CCSER1: variants seen among roughly 807,000 people sequenced by gnomAD.
The protein encoded by CCSER1 is coiled-coil serine rich protein 1.
CCSER1 carries 41 observed loss-of-function variants against 82.0 expected under a neutral mutation model. That is an observed-to-expected ratio of 0.50 (90% confidence interval 0.39 to 0.65). The LOEUF (loss-of-function observed/expected upper bound fraction) is 0.65. Ranked by LOEUF, CCSER1 falls within the 30% of genes least tolerant of loss-of-function variation. The pLI, the probability that CCSER1 is intolerant of heterozygous loss-of-function variation, is 0.00. For missense variants in CCSER1, 1,119 were observed against 1,064.2 expected, an observed-to-expected ratio of 1.05 and a Z score of -0.72; for synonymous variants, 414 against 383.9, an observed-to-expected ratio of 1.08 and a Z score of -0.92.
At chr4:91,162,676 G>A (rs1038157761) in intron 10 of CCSER1, among the ~76,000 whole-genome samples, 1 of 152,136 alleles carries the variant, frequency 6.6e-6, no homozygotes, top group Non-Finnish European at 1.5e-5. Flanking sequence ...TATGTGTCCA[G>A]GAATCTATCC....
chr4:90,955,094 C>T (rs553044813), intron 9 of CCSER1, among the ~76,000 whole-genome samples: 93 of 152,292 alleles, frequency 6.1e-4, no homozygotes, highest in Admixed American at 2.4e-3. Context: ...TACCATCGAA[C>T]GTGTTCGTGT....
In CCSER1 at chr4:91,347,189, A is replaced by T. The variant is rs147675502; in HGVS notation, c.2218-251383A>T. 2.4e-3 allele frequency among the ~76,000 whole-genome samples: 368 copies of T among 152,184 alleles called. 2 individuals are homozygous for T. Among genetic ancestry groups the T allele is most frequent in the African/African-American group, 8.3e-3 (344 of 41,554 alleles). On this transcript the variant is annotated intron_variant, in intron 10 of 10. Transcript: ENST00000509176. Reference sequence around the variant, plus strand: ...TGAAAGGTATAACGTCTGGGTGTAGATTTATTTTTTGCATGTGGATTTTGA... The same window carrying T: ...TGAAAGGTATAACGTCTGGGTGTAGTTTTATTTTTTGCATGTGGATTTTGA...
chr4:91,218,156 A>T (rs1256224331), intron 10 of CCSER1, among the ~76,000 whole-genome samples: 2 of 152,232 alleles, frequency 1.3e-5, no homozygotes, highest in Admixed American at 1.3e-4. Context: ...CGAGCACAGC[A>T]CGGTGGGCCG....
At chr4:91,140,362 A>G (rs1235862399) in intron 10 of CCSER1, among the ~76,000 whole-genome samples, 1 of 151,990 alleles carries the variant, frequency 6.6e-6, no homozygotes, top group African/African-American at 2.4e-5. Flanking sequence ...TATTGGTAAT[A>G]TTGCTTAATA....
intron 9 of CCSER1, among the ~76,000 whole-genome samples, chr4:91,033,386 G>A (rs574051878): frequency 2.0e-5 from 3 of 152,132 alleles, no homozygotes; most frequent in Admixed American, 6.6e-5. Context: ...GGGAAAAAGG[G>A]TAGAAGGAAA....
intron 10 of CCSER1, among the ~76,000 whole-genome samples, chr4:91,492,661 G>A (rs185632264): frequency 1.7e-3 from 257 of 152,184 alleles, no homozygotes; most frequent in South Asian, 0.011. Flanking sequence ...TAACAAAGAT[G>A]TTGTTGAAAA....
At chr4:90,852,514 C>CT (rs1405795913) in intron 8 of CCSER1, among the ~76,000 whole-genome samples, 1 of 152,194 alleles carries the variant, frequency 6.6e-6, no homozygotes, top group African/African-American at 2.4e-5. Context: ...TGCTCACACT[C>CT]TGAGTGCTTA....
At chr4:91,160,186 G>C (rs1218122302) in intron 10 of CCSER1, among the ~76,000 whole-genome samples, 1 of 152,036 alleles carries the variant, frequency 6.6e-6, no homozygotes, top group Non-Finnish European at 1.5e-5. Context: ...CAGAATGATG[G>C]TTTCCAGCTT....
At chr4:91,161,965 C>A (rs1013183440) in intron 10 of CCSER1, among the ~76,000 whole-genome samples, 3 of 152,122 alleles carry the variant, frequency 2.0e-5, no homozygotes, top group African/African-American at 7.2e-5. Flanking sequence ...GAACTTCCAA[C>A]ACTATGTTGA....
intron 10 of CCSER1, among the ~76,000 whole-genome samples, chr4:91,401,168 T>C (rs1412477604): frequency 6.6e-6 from 1 of 151,534 alleles, no homozygotes; most frequent in Non-Finnish European, 1.5e-5. Flanking sequence ...AGATACCCAT[T>C]TTTTGACTTT....
intron 10 of CCSER1, among the ~76,000 whole-genome samples, chr4:91,101,859 G>A (rs2148851986): frequency 6.6e-6 from 1 of 152,320 alleles, no homozygotes; most frequent in Middle Eastern, 3.4e-3. Flanking sequence ...AAGTAACAGA[G>A]CAGGTTTCTC....
intron 9 of CCSER1, among the ~76,000 whole-genome samples, chr4:90,957,388 C>T (rs1733573459): frequency 6.8e-6 from 1 of 146,638 alleles, no homozygotes; most frequent in African/African-American, 2.5e-5. Flanking sequence ...GCGTGAGCCA[C>T]CGTGCCTAGC....
At chr4:90,649,775 A>G (rs910473251) in intron 6 of CCSER1, among the ~76,000 whole-genome samples, 6 of 152,236 alleles carry the variant, frequency 3.9e-5, no homozygotes, top group Non-Finnish European at 7.3e-5. Context: ...TATAATAACT[A>G]TAATACATTT....
At chr4:90,264,337 T>G (rs1341815089) in intron 1 of CCSER1, among the ~76,000 whole-genome samples, 1 of 152,170 alleles carries the variant, frequency 6.6e-6, no homozygotes, top group Non-Finnish European at 1.5e-5. Context: ...ATACATTGCA[T>G]TTTTGGTTGT....
chr4:90,943,197 C>A (rs1260482324), intron 9 of CCSER1, among the ~76,000 whole-genome samples: 1 of 151,980 alleles, frequency 6.6e-6, no homozygotes, highest in Non-Finnish European at 1.5e-5. Flanking sequence ...AAGATAACAA[C>A]AGTAAGCTTG....
intron 10 of CCSER1, among the ~76,000 whole-genome samples, chr4:91,167,851 C>T (rs545255147): frequency 1.3e-5 from 2 of 152,246 alleles, no homozygotes; most frequent in Non-Finnish European, 2.9e-5. Flanking sequence ...TACGCTTTTA[C>T]AAACAAATTA....
At chr4:90,707,852 C>G (rs1325527407) in intron 6 of CCSER1, among the ~76,000 whole-genome samples, 1 of 152,148 alleles carries the variant, frequency 6.6e-6, no homozygotes, top group Non-Finnish European at 1.5e-5. Flanking sequence ...GTAGGCCTCA[C>G]TCTCAGAATT....
chr4:91,410,315 AT>A (rs372876272), intron 10 of CCSER1, among the ~76,000 whole-genome samples: 3 of 151,354 alleles, frequency 2.0e-5, no homozygotes, highest in Admixed American at 6.6e-5. Context: ...TCTTTCCATC[AT>A]TTTTTTTTAC....
At chr4:90,759,880 A>T (rs1383682031) in intron 7 of CCSER1, among the ~76,000 whole-genome samples, 1 of 152,182 alleles carries the variant, frequency 6.6e-6, no homozygotes, top group Non-Finnish European at 1.5e-5. Context: ...AATTTACAAA[A>T]TGTTAGAATT....
Sources: gnomAD v4.1 joint callset for allele counts (sites outside exome capture counted in the v4.1 genomes callset) on GRCh38, gnomAD v4.1.1 for gene constraint, MANE v1.5 for transcripts, NCBI Gene and HGNC (gene_info 2026-07-23, HGNC 2026-07-21) for gene names.